ME1: variants seen among roughly 807,000 people sequenced by gnomAD.
ME1 encodes NADP-dependent malic enzyme.
ME1 carries 74 observed loss-of-function variants against 66.4 expected under a neutral mutation model. That is an observed-to-expected ratio of 1.11 (90% CI 0.92 to 1.35). ME1 has a LOEUF of 1.35. Ranked by LOEUF, ME1 falls within the 40% of genes most tolerant of loss-of-function variation. ME1 has a pLI of 0.00. For missense variants in ME1, 750 were observed against 694.1 expected (o/e 1.08, Z -0.90); for synonymous variants, 251 against 235.6 (o/e 1.07, Z -0.60).
In ME1 at chr6:83,256,882, T is replaced by A. The variant is rs575688447; in HGVS notation, c.705-3144A>T. Among the ~76,000 whole-genome samples, 7 of 152,248 alleles carry A rather than the reference T, an allele frequency of 4.6e-5. No homozygotes were observed. The East Asian group carries it at 1.2e-3, about 25-fold the overall frequency. On this transcript the variant is annotated intron_variant, in intron 6 of 13. Coordinates refer to ENST00000369705, the MANE Select transcript of ME1 (RefSeq NM_002395.6). ...AGCCATAAAAAAGGATGAGTTCATG[T>A]CCTTTGCAAGGACATGGATGAAGCT...
intron 3 of ME1, 24 bp downstream of exon 3, chr6:83,398,343 C>A: frequency 6.6e-7 from 1 of 1,511,046 alleles, no homozygotes; most frequent in Non-Finnish European, 8.9e-7. Flanking sequence ...ACACAAGTTG[C>A]ATATAAAATA....
intron 1 of ME1, among the ~76,000 whole-genome samples, chr6:83,423,882 G>T (rs1247855063): frequency 6.6e-6 from 1 of 152,164 alleles, no homozygotes; most frequent in East Asian, 1.9e-4. Context: ...GCCACAGTGG[G>T]AGGATTTCTT....
At chr6:83,416,924 T>C (rs939088465) in intron 1 of ME1, among the ~76,000 whole-genome samples, 2 of 151,878 alleles carry the variant, frequency 1.3e-5, no homozygotes, top group African/African-American at 4.8e-5. Flanking sequence ...AGTTTCTGTG[T>C]CTTTGTCATA....
intron 3 of ME1, among the ~76,000 whole-genome samples, chr6:83,378,281 T>C (rs764086364): frequency 2.6e-5 from 4 of 152,020 alleles, no homozygotes; most frequent in Admixed American, 6.6e-5. Flanking sequence ...CAAAGCTCAA[T>C]AGGAAAAACT....
chr6:83,283,598 AAAAC>A (rs768193452), intron 6 of ME1, among the ~76,000 whole-genome samples: 16 of 152,168 alleles, frequency 1.1e-4, no homozygotes, highest in Non-Finnish European at 1.8e-4. Flanking sequence ...AACAAAAACA[AAAAC>A]AAACAAACAA....
chr6:83,407,854 T>C lies in ME1; in HGVS notation c.126A>G (p.Gly42=). ...GACTGTTGAAGGAAGGTGGCAACAA[T>C]CCATGAATGTTCAATTGCTGTCTCT... is the stretch of plus-strand genomic sequence containing the variant. The part of the protein sequence containing the change: ...LEERQQLNIH[G]LLPPSFNSQE... The change falls in exon 2 of 14, where the codon GGA becomes GGG. Residue 42 remains glycine (G), a synonymous_variant. Transcript: ENST00000369705. 14 of 1,613,246 alleles carry C rather than the reference T, an allele frequency of 8.7e-6. No individual in the cohort carries two copies. The highest frequency in any genetic ancestry group is 1.2e-5 in the Non-Finnish European group (14 of 1,179,802).
At position 83,357,935 on chromosome 6, in the gene ME1, CTATATATATATATATATA is replaced by C. The variant is rs60624497; in HGVS notation, c.363-5814_363-5797del. ...TCTCTCTCTCTCTCTCTCTCTCTCT[CTATATATATATATATATA>C]TATATATATATATATATATATTTCA... is the stretch of plus-strand genomic sequence containing the variant. On this transcript the variant is annotated intron_variant, in intron 3 of 13. Coordinates refer to ENST00000369705, the MANE Select transcript of ME1 (RefSeq NM_002395.6). Among the ~76,000 whole-genome samples the C allele has an allele frequency of 1.5e-3, 44 of 30,042 alleles. 2 individuals are homozygous for C. Among genetic ancestry groups the C allele is most frequent in the African/African-American group, 4.6e-3 (39 of 8,544 alleles). 19.7% of individuals were successfully genotyped at this position (30,042 alleles called of 152,430 possible).
chr6:83,308,431 A>C (rs1388294316), intron 6 of ME1, among the ~76,000 whole-genome samples: 1 of 151,690 alleles, frequency 6.6e-6, no homozygotes, highest in Non-Finnish European at 1.5e-5. Flanking sequence ...AGTAAAGCTG[A>C]AGCTGTCTCT....
At chr6:83,392,751 G>A in intron 3 of ME1, 3 of 653,232 alleles carry the variant, frequency 4.6e-6, no homozygotes, top group South Asian at 4.1e-5. Flanking sequence ...GGGCTCACTT[G>A]GAGGGAGGAG....
Position 83,273,822 on chromosome 6 carries a change from T to C in ME1, c.705-20084A>G, listed in dbSNP as rs144488955. On this transcript the variant is annotated intron_variant, in intron 6 of 13. Coordinates refer to ENST00000369705, the MANE Select transcript of ME1 (RefSeq NM_002395.6). ...CAGTTAAGTCTTATTCTGCCAAGCCTTTCTAACTATACTCACCAGTGTGCT... is the reference window on the plus strand; with the variant it reads ...CAGTTAAGTCTTATTCTGCCAAGCCCTTCTAACTATACTCACCAGTGTGCT... Among the ~76,000 whole-genome samples, 1,109 of 152,354 alleles carry C rather than the reference T, an allele frequency of 7.3e-3. 5 individuals are homozygous for C. The highest frequency in any genetic ancestry group is 0.012 in the Non-Finnish European group (784 of 68,030).
intron 11 of ME1, among the ~76,000 whole-genome samples, chr6:83,225,809 T>TATAC (rs1562451751): frequency 6.2e-5 from 1 of 16,106 alleles, no homozygotes; most frequent in Non-Finnish European, 1.0e-4. Flanking sequence ...CCTGTAACAT[T>TATAC]ATATATATAT....
At chr6:83,330,343 A>G (rs371913430) in intron 5 of ME1, among the ~76,000 whole-genome samples, 23 of 152,316 alleles carry the variant, frequency 1.5e-4, no homozygotes, top group Admixed American at 1.3e-3. Context: ...CATGTCATCA[A>G]TAAGAATAAG....
intron 5 of ME1, among the ~76,000 whole-genome samples, chr6:83,316,304 A>G (rs1304029927): frequency 2.0e-5 from 3 of 152,178 alleles, no homozygotes; most frequent in South Asian, 2.1e-4. Context: ...AAATTTTGGT[A>G]TATATAATAT....
chr6:83,429,928 C>T (rs1447332674), intron 1 of ME1, among the ~76,000 whole-genome samples: 1 of 151,978 alleles, frequency 6.6e-6, no homozygotes, highest in Admixed American at 6.6e-5. Context: ...AGCGCACGCA[C>T]ACACACACAC....
chr6:83,307,990 G>C (rs529332074), intron 6 of ME1, among the ~76,000 whole-genome samples: 1 of 152,212 alleles, frequency 6.6e-6, no homozygotes, highest in South Asian at 2.1e-4. Context: ...TCTCTGACTA[G>C]TCTGGTCTGT....
chr6:83,260,191 T>G (rs1766858496), intron 6 of ME1, among the ~76,000 whole-genome samples: 1 of 147,446 alleles, frequency 6.8e-6, no homozygotes, highest in Non-Finnish European at 1.5e-5. Context: ...AAAAAAAGAA[T>G]CACAAGCAAA....
intron 6 of ME1, among the ~76,000 whole-genome samples, chr6:83,270,509 A>G (rs1583349607): frequency 6.6e-6 from 1 of 152,242 alleles, no homozygotes; most frequent in East Asian, 1.9e-4. Flanking sequence ...GAAACAGCTG[A>G]GAAACTGGGT....
intron 12 of ME1, among the ~76,000 whole-genome samples, chr6:83,220,247 C>T (rs1790066034): frequency 6.6e-6 from 1 of 152,102 alleles, no homozygotes; most frequent in Non-Finnish European, 1.5e-5. Flanking sequence ...TCTAAAGGGT[C>T]CTCTGAGCAG....
intron 1 of ME1, among the ~76,000 whole-genome samples, chr6:83,410,618 G>C (rs1292840077): frequency 6.6e-6 from 1 of 152,078 alleles, no homozygotes; most frequent in South Asian, 2.1e-4. Flanking sequence ...AGGAAAGCTG[G>C]CTAAAGTCTC....
Sources: gnomAD v4.1 joint callset for allele counts (sites outside exome capture counted in the v4.1 genomes callset) on GRCh38, gnomAD v4.1.1 for gene constraint, MANE v1.5 for transcripts, NCBI Gene and HGNC (gene_info 2026-07-23, HGNC 2026-07-21) for gene names.